Variants in FAM221A observed in about 807,000 individuals in gnomAD.
FAM221A encodes the protein protein FAM221A.
In FAM221A, 43 loss-of-function variants were observed where a neutral mutation model predicts 37.6. That is an observed-to-expected ratio of 1.15 (90% CI 0.90 to 1.48). FAM221A has a LOEUF of 1.48. Ranked by LOEUF, FAM221A falls within the 40% of genes most tolerant of loss-of-function variation. FAM221A has a pLI of 0.00. For missense variants in FAM221A, 361 were observed against 361.5 expected, an observed-to-expected ratio of 1.00 and a Z score of 0.01; for synonymous variants, 135 against 132.9, an observed-to-expected ratio of 1.02 and a Z score of -0.11.
chr7:23,683,724 C>G (rs1382328529), intron 1 of FAM221A, among the ~76,000 whole-genome samples: 3 of 152,088 alleles, frequency 2.0e-5, no homozygotes, highest in Non-Finnish European at 4.4e-5. Context: ...TCACCCATCA[C>G]TAGGTTCATG....
At chr7:23,690,560 A>G (rs1784685048) in intron 3 of FAM221A, among the ~76,000 whole-genome samples, 3 of 152,106 alleles carry the variant, frequency 2.0e-5, no homozygotes, top group Admixed American at 2.0e-4. Flanking sequence ...TTAATAGTAT[A>G]TTCTGGCCTC....
Position 23,702,492 on chromosome 7 carries a change from T to C in FAM221A, c.*328T>C, listed in dbSNP as rs1044196639. ...AAAAAATTAAAGATATTATCAAGGG[T>C]TTTGGACAAACATATGAGCCATTTT... On this transcript the variant is annotated 3_prime_UTR_variant, in exon 7 of 7. Coordinates refer to ENST00000344962, the MANE Select transcript of FAM221A (RefSeq NM_199136.5). The C allele has an allele frequency of 4.9e-5, 8 of 163,628 alleles. No individual in the cohort carries two copies. Among genetic ancestry groups the C allele is most frequent in the African/African-American group, 1.9e-4 (8 of 41,918 alleles). 10.1% of individuals were successfully genotyped at this position (163,628 alleles called of 1,614,324 possible). A position where few individuals can be genotyped will look rare whatever the true frequency, so the allele number is the denominator to read the frequency against.
chr7:23,698,586 T>TA (rs1346671898), intron 5 of FAM221A, among the ~76,000 whole-genome samples: 1 of 152,202 alleles, frequency 6.6e-6, no homozygotes, highest in Non-Finnish European at 1.5e-5. Context: ...GGTGTTTGAA[T>TA]AAGAGGGCCT....
chr7:23,698,236 G>C lies in FAM221A; in HGVS notation c.682G>C (p.Asp228His). ...EFLESPITAV[D>H]SPFLKAFQAS... ...TTTAGAATCTCCCATTACGGCAGTA[G>C]ACAGCCCATTCCTAAAAGCATTTCA... The change falls in exon 5 of 7, where the codon GAC becomes CAC. Residue 228 changes from aspartate (D) to histidine (H), a missense_variant. Coordinates refer to ENST00000344962, the MANE Select transcript of FAM221A (RefSeq NM_199136.5). 1 of 1,599,690 alleles carries C rather than the reference G, an allele frequency of 6.3e-7. No homozygotes were observed. The highest frequency in any genetic ancestry group is 8.5e-7 in the Non-Finnish European group (1 of 1,172,080).
At chr7:23,697,637 A>G (rs555754325) in intron 4 of FAM221A, among the ~76,000 whole-genome samples, 24 of 152,302 alleles carry the variant, frequency 1.6e-4, no homozygotes, top group African/African-American at 5.8e-4. Context: ...ATTATATATT[A>G]GGGTTTTGAA....
At chr7:23,701,527 C>G (rs968431344) in intron 6 of FAM221A, among the ~76,000 whole-genome samples, 3 of 152,148 alleles carry the variant, frequency 2.0e-5, no homozygotes, top group Admixed American at 6.6e-5. Context: ...GCATGAGCCA[C>G]CGCGCCTGGT....
intron 5 of FAM221A, 33 bp downstream of exon 5, chr7:23,698,332 T>C: frequency 8.6e-7 from 1 of 1,158,708 alleles, no homozygotes; most frequent in Non-Finnish European, 1.3e-6. Flanking sequence ...TGTTTTTGGA[T>C]GTAGTAAATT....
At chr7:23,699,620 G>A (rs1331383949) in intron 5 of FAM221A, among the ~76,000 whole-genome samples, 1 of 126,508 alleles carries the variant, frequency 7.9e-6, no homozygotes, top group African/African-American at 3.1e-5. Flanking sequence ...TTGGCTTACT[G>A]CAACCTCCAC....
In FAM221A at chr7:23,689,411, C is replaced by G; in HGVS notation, c.382C>G (p.His128Asp). 1.2e-6 allele frequency: 2 copies of G among 1,605,926 alleles called. No homozygotes were observed. Among genetic ancestry groups the G allele is most frequent in the Non-Finnish European group, 1.7e-6 (2 of 1,173,668 alleles). Residue 128 changes from histidine to aspartate, a missense_variant, in exon 3 of 7, where the codon CAC becomes GAC. By Grantham distance (81) the His-to-Asp change is moderately conservative. Coordinates refer to ENST00000344962, the MANE Select transcript of FAM221A (RefSeq NM_199136.5). ...GSQPIRCRCKHFADQHSAAPG... is the reference protein window; with the variant it reads ...GSQPIRCRCKDFADQHSAAPG... ...CCAGCCCATTCGCTGCAGGTGCAAA[C>G]ACTTTGCTGATCAGCACAGTGCTGC...
At chr7:23,683,578 A>T (rs898455690) in intron 1 of FAM221A, among the ~76,000 whole-genome samples, 8 of 152,214 alleles carry the variant, frequency 5.3e-5, no homozygotes, top group Admixed American at 2.6e-4. Flanking sequence ...TTCAATATCA[A>T]AGGAAAAGCT....
chr7:23,690,199 A>ATATATTTTTTTT lies in FAM221A; in HGVS notation c.430+741_430+742insATATTTTTTTTT, dbSNP rs774313037. ...TATATATATATATATATATATATAT[A>ATATATTTTTTTT]TTTTTTTTTTTTTTAATAGAGTTTT... is the stretch of plus-strand genomic sequence containing the variant. On this transcript the variant is annotated intron_variant, in intron 3 of 6. Transcript: ENST00000344962. Among the ~76,000 whole-genome samples the ATATATTTTTTTT allele has an allele frequency of 2.4e-3, 116 of 48,722 alleles. 2 individuals are homozygous for ATATATTTTTTTT. Among genetic ancestry groups the ATATATTTTTTTT allele is most frequent in the East Asian group, 7.7e-3 (9 of 1,174 alleles). The allele number at this position is 48,722 out of a possible 152,430, so 32.0% of individuals were successfully genotyped here.
At chr7:23,680,887 T>C (rs2128030955) in intron 1 of FAM221A, 1 of 152,322 alleles carries the variant, frequency 6.6e-6, no homozygotes, top group African/African-American at 2.4e-5. Flanking sequence ...TCTGGGCGGA[T>C]GGGAAGTCCT....
At chr7:23,686,076 A>G (rs1307739990) in intron 2 of FAM221A, among the ~76,000 whole-genome samples, 2 of 152,216 alleles carry the variant, frequency 1.3e-5, no homozygotes, top group East Asian at 3.8e-4. Flanking sequence ...AAATTTATTT[A>G]GCAACTCCAA....
chr7:23,695,978 G>A (rs1410970421), intron 4 of FAM221A, among the ~76,000 whole-genome samples: 2 of 152,138 alleles, frequency 1.3e-5, no homozygotes, highest in African/African-American at 2.4e-5. Context: ...TTAACACTAA[G>A]TATCTTCAAG....
chr7:23,694,581 A>G (rs1784941683), intron 4 of FAM221A: 1 of 152,248 alleles, frequency 6.6e-6, no homozygotes, highest in Non-Finnish European at 1.5e-5. Context: ...CAGTTGTTTG[A>G]ACCACATCAC....
chr7:23,698,927 A>C (rs1011041504), intron 5 of FAM221A, among the ~76,000 whole-genome samples: 4 of 152,194 alleles, frequency 2.6e-5, no homozygotes, highest in African/African-American at 9.7e-5. Flanking sequence ...ACAAGTAAGA[A>C]GCCAAGAAAA....
Position 23,684,487 on chromosome 7 carries a change from T to C in FAM221A, c.66-12T>C. ...ACTCAAAGCTTAAGAGAAATATATA[T>C]TTTTGTTGTAGAATTGTTGGTGAGG... On this transcript the variant is annotated splice_polypyrimidine_tract_variant and intron_variant, in intron 1 of 6. Transcript: ENST00000344962. 6.4e-7 allele frequency: 1 copy of C among 1,560,984 alleles called. No individual in the cohort carries two copies. The highest frequency in any genetic ancestry group is 8.7e-7 in the Non-Finnish European group (1 of 1,148,570).
chr7:23,699,456 C>T (rs903711719), intron 5 of FAM221A, among the ~76,000 whole-genome samples: 2 of 150,546 alleles, frequency 1.3e-5, no homozygotes, highest in South Asian at 4.2e-4. Flanking sequence ...TAGTGACCCT[C>T]AGTGATTAGT....
chr7:23,696,328 C>T (rs1261795716), intron 4 of FAM221A, among the ~76,000 whole-genome samples: 2 of 152,180 alleles, frequency 1.3e-5, no homozygotes, highest in Non-Finnish European at 2.9e-5. Flanking sequence ...GAGGCTGAGG[C>T]AGGCAGATCG....
Sources: allele counts gnomAD v4.1 joint callset (sites outside exome capture counted in the v4.1 genomes callset), GRCh38; gene constraint gnomAD v4.1.1; transcripts MANE v1.5; gene names NCBI Gene and HGNC (gene_info 2026-07-23, HGNC 2026-07-21).